PLPPR5: variants seen among roughly 807,000 people sequenced by gnomAD.
PLPPR5 encodes phospholipid phosphatase related 5, also known as phospholipid phosphatase-related protein type 5.
A neutral mutation model predicts 33.9 loss-of-function variants in PLPPR5; 16 were observed. The observed-to-expected ratio is 0.47, with a 90% CI of 0.32 to 0.72. The LOEUF (loss-of-function observed/expected upper bound fraction) is 0.72. Ranked by LOEUF, PLPPR5 falls within the 30% of genes least tolerant of loss-of-function variation. PLPPR5 has a pLI of 0.03. For missense variants in PLPPR5, 301 were observed against 406.7 expected, an observed-to-expected ratio of 0.74 and a Z score of 2.23; for synonymous variants, 163 against 150.3, an observed-to-expected ratio of 1.08 and a Z score of -0.62.
At position 98,914,652 on chromosome 1, in the gene PLPPR5, C is replaced by A. The variant is rs188227363; in HGVS notation, c.933+134G>T. 1.7e-4 allele frequency: 135 copies of A among 775,554 alleles called. 1 individual carries two copies. The East Asian group carries it at 3.2e-3, about 18-fold the overall frequency. The allele number at this position is 775,554 out of a possible 1,614,324, so 48.0% of individuals were successfully genotyped here. ...TTTTCTATGATTATCTCTTTAGTGG[C>A]TAAATTCTTGCTAAATATCACATTA... On this transcript the variant is annotated intron_variant, in intron 5 of 5. Transcript: ENST00000263177.
intron 4 of PLPPR5, among the ~76,000 whole-genome samples, chr1:98,920,533 A>G (rs956447722): frequency 5.7e-5 from 8 of 139,600 alleles, no homozygotes; most frequent in African/African-American, 2.1e-4. Context: ...TCTCCAGGAA[A>G]GACAGAAGGT....
chr1:99,004,335 G>T, intron 1 of PLPPR5, 100 bp downstream of exon 1: 1 of 1,048,670 alleles, frequency 9.5e-7, no homozygotes, highest in Non-Finnish European at 1.3e-6. Context: ...AACTTAGAAG[G>T]CAAAACCTAC....
intron 3 of PLPPR5, among the ~76,000 whole-genome samples, chr1:98,942,011 C>T (rs1490916818): frequency 4.1e-5 from 6 of 146,208 alleles, no homozygotes; most frequent in East Asian, 2.0e-4. Flanking sequence ...TATATATACA[C>T]ATATACGTAT....
chr1:98,902,135 A>G (rs1466799940), intron 5 of PLPPR5, among the ~76,000 whole-genome samples: 1 of 152,014 alleles, frequency 6.6e-6, no homozygotes, highest in East Asian at 1.9e-4. Context: ...ACACACTCAA[A>G]TGACTTCACA....
At chr1:98,938,068 G>C (rs948705672) in intron 3 of PLPPR5, among the ~76,000 whole-genome samples, 2 of 151,834 alleles carry the variant, frequency 1.3e-5, no homozygotes, top group African/African-American at 4.8e-5. Context: ...ATAGAGGGTG[G>C]GAATCATTTG....
chr1:98,922,066 A>G lies in PLPPR5; in HGVS notation c.622-8T>C, dbSNP rs1570699701. On this transcript the variant is annotated splice_region_variant and splice_polypyrimidine_tract_variant and intron_variant, in intron 3 of 5. Coordinates refer to ENST00000263177, the MANE Select transcript of PLPPR5 (RefSeq NM_001037317.2). ...TGTGTTGGTGATGTACATCTGAAACATTCAATAAAAAAAATGACTTTTCAT... is the reference window on the plus strand; with the variant it reads ...TGTGTTGGTGATGTACATCTGAAACGTTCAATAAAAAAAATGACTTTTCAT... 6.5e-7 allele frequency: 1 copy of G among 1,529,904 alleles called. No individual in the cohort carries two copies. The highest frequency in any genetic ancestry group is 1.1e-5 in the South Asian group (1 of 87,966). 94.8% of individuals were successfully genotyped at this position (1,529,904 alleles called of 1,614,324 possible). A position where few individuals can be genotyped will look rare whatever the true frequency, so the allele number is the denominator to read the frequency against.
intron 5 of PLPPR5, 81 bp downstream of exon 5, chr1:98,914,705 G>A (rs532535022): frequency 1.6e-5 from 20 of 1,263,148 alleles, no homozygotes; most frequent in South Asian, 6.0e-5. Context: ...TAAACTGTGT[G>A]GACATGCTCC....
chr1:98,898,843 T>G (rs556293421), intron 5 of PLPPR5, among the ~76,000 whole-genome samples: 60 of 152,240 alleles, frequency 3.9e-4, no homozygotes, highest in Non-Finnish European at 6.0e-4. Context: ...AGTTTCCCTT[T>G]TTTTTACTAT....
At chr1:98,894,390 A>C (rs1369999316) in intron 5 of PLPPR5, among the ~76,000 whole-genome samples, 1 of 152,086 alleles carries the variant, frequency 6.6e-6, no homozygotes, top group African/African-American at 2.4e-5. Context: ...ATTGAATTAA[A>C]ACAATAAGAA....
At chr1:98,968,912 C>G (rs1651548581) in intron 1 of PLPPR5, among the ~76,000 whole-genome samples, 1 of 152,016 alleles carries the variant, frequency 6.6e-6, no homozygotes, top group Non-Finnish European at 1.5e-5. Flanking sequence ...TGGAGTTCAA[C>G]TTGACATTAT....
At chr1:98,925,577 A>G (rs1354204458) in intron 3 of PLPPR5, among the ~76,000 whole-genome samples, 2 of 152,230 alleles carry the variant, frequency 1.3e-5, no homozygotes, top group Non-Finnish European at 2.9e-5. Flanking sequence ...ATAATGTCCT[A>G]TTAGTCTGTA....
Position 98,924,069 on chromosome 1 carries a change from T to C in PLPPR5, c.622-2011A>G, listed in dbSNP as rs141221006. ...TAACACTCAAGATATTCTGTCCTCATTGAGACAAAATAAATGTGGGATGAT... is the reference window on the plus strand; with the variant it reads ...TAACACTCAAGATATTCTGTCCTCACTGAGACAAAATAAATGTGGGATGAT... On this transcript the variant is annotated intron_variant, in intron 3 of 5. Coordinates refer to ENST00000263177, the MANE Select transcript of PLPPR5 (RefSeq NM_001037317.2). Among the ~76,000 whole-genome samples the C allele has an allele frequency of 4.3e-3, 650 of 152,328 alleles. 5 individuals are homozygous for C. Among genetic ancestry groups the C allele is most frequent in the African/African-American group, 0.015 (622 of 41,568 alleles).
Position 99,001,669 on chromosome 1 carries a change from A to G in PLPPR5, c.237+2766T>C, listed in dbSNP as rs1198921241. ...GAACTAGAAATGAGTTTGAAAGTTA[A>G]AGATATATATATATATATATATATA... On this transcript the variant is annotated intron_variant, in intron 1 of 5. Coordinates refer to ENST00000263177, the MANE Select transcript of PLPPR5 (RefSeq NM_001037317.2). 1.4e-3 allele frequency among the ~76,000 whole-genome samples: 88 copies of G among 64,338 alleles called. 1 individual carries two copies. The highest frequency in any genetic ancestry group is 5.2e-3 in the African/African-American group (87 of 16,698). The allele number at this position is 64,338 out of a possible 152,430, so 42.2% of individuals were successfully genotyped here.
chr1:98,984,328 T>C (rs1423598287), intron 1 of PLPPR5, among the ~76,000 whole-genome samples: 1 of 152,074 alleles, frequency 6.6e-6, no homozygotes, highest in East Asian at 1.9e-4. Flanking sequence ...GAACCAAGAT[T>C]CAATGTAAAA....
intron 3 of PLPPR5, among the ~76,000 whole-genome samples, chr1:98,950,476 C>T (rs1232186141): frequency 1.3e-5 from 2 of 152,114 alleles, no homozygotes; most frequent in Non-Finnish European, 2.9e-5. Context: ...AAAACAAATA[C>T]ATGCCAGTGG....
intron 1 of PLPPR5, among the ~76,000 whole-genome samples, chr1:98,997,296 G>T (rs535714908): frequency 4.9e-4 from 74 of 152,152 alleles, no homozygotes; most frequent in African/African-American, 1.7e-3. Context: ...CTGAACTTCC[G>T]AAGGGCAGAG....
At chr1:99,005,448 C>T (rs552052668), upstream of PLPPR5, among the ~76,000 whole-genome samples, 10 of 152,256 alleles carry the variant, frequency 6.6e-5, no homozygotes, top group South Asian at 1.0e-3. Context: ...TCTTTGCCTC[C>T]TCTGCAGCTT....
chr1:98,962,935 C>A (rs1056511572), intron 1 of PLPPR5, among the ~76,000 whole-genome samples: 3 of 152,212 alleles, frequency 2.0e-5, no homozygotes, highest in African/African-American at 7.2e-5. Context: ...AGGCATGAGC[C>A]ACCACACCCA....
intron 5 of PLPPR5, among the ~76,000 whole-genome samples, chr1:98,913,940 T>C (rs1246151384): frequency 6.6e-6 from 1 of 152,178 alleles, no homozygotes; most frequent in Non-Finnish European, 1.5e-5. Context: ...CCAGTCCAAG[T>C]GCTACCCTCT....
Sources: gnomAD v4.1 joint callset for allele counts (sites outside exome capture counted in the v4.1 genomes callset) on GRCh38, gnomAD v4.1.1 for gene constraint, MANE v1.5 for transcripts, NCBI Gene and HGNC (gene_info 2026-07-23, HGNC 2026-07-21) for gene names.